Variants in KCTD20 observed in about 807,000 individuals in gnomAD.
The protein encoded by KCTD20 is potassium channel tetramerization domain containing 20, also known as BTB/POZ domain-containing protein KCTD20.
KCTD20 carries 30 observed loss-of-function variants against 39.6 expected under a neutral mutation model. The ratio of observed to expected loss-of-function variants is 0.76; its 90% CI spans 0.57 to 1.03. KCTD20 has a LOEUF of 1.03. Ranked by LOEUF, KCTD20 falls within the 50% of genes least tolerant of loss-of-function variation. The probability of loss-of-function intolerance (pLI) is 0.00; values close to 1 mark genes in which losing one functional copy is unlikely to be tolerated. For missense variants in KCTD20, 422 were observed against 522.0 expected (o/e 0.81, Z 1.87); for synonymous variants, 162 against 180.6 (o/e 0.90, Z 0.83).
At chr6:36,478,102 A>AAAAAAAAAAAG (rs1343001151) in intron 3 of KCTD20, among the ~76,000 whole-genome samples, 1 of 84,852 alleles carries the variant, frequency 1.2e-5, no homozygotes, top group African/African-American at 5.1e-5. Context: ...CTCAAAAAAA[A>AAAAAAAAAAAG]AAAGAAAAGA....
chr6:36,444,860 T>C (rs1315383356), intron 1 of KCTD20, among the ~76,000 whole-genome samples: 1 of 152,222 alleles, frequency 6.6e-6, no homozygotes, highest in East Asian at 1.9e-4. Flanking sequence ...ATTTGTTCCT[T>C]CCTGTTATGC....
Position 36,473,580 on chromosome 6 carries a change from A to G in KCTD20, c.161-1209A>G, listed in dbSNP as rs191594451. On this transcript the variant is annotated intron_variant, in intron 2 of 7. Coordinates refer to ENST00000373731, the MANE Select transcript of KCTD20 (RefSeq NM_173562.5). ...GAGATCAGGAGATAGAGACCATCCT[A>G]GCTAACACGATGAAACCTTGTCTCT... Among the ~76,000 whole-genome samples, 1,062 of 151,818 alleles carry G rather than the reference A, an allele frequency of 7.0e-3. 10 individuals carry two copies. Among genetic ancestry groups the G allele is most frequent in the Admixed American group, 8.5e-3 (130 of 15,258 alleles).
Position 36,487,527 on chromosome 6 carries a change from T to C in KCTD20, c.*352T>C. 1 of 201,002 alleles carries C rather than the reference T, an allele frequency of 5.0e-6. No homozygotes were observed. The highest frequency in any genetic ancestry group is 1.0e-5 in the Non-Finnish European group (1 of 99,766). 12.5% of individuals were successfully genotyped at this position (201,002 alleles called of 1,614,324 possible). On this transcript the variant is annotated 3_prime_UTR_variant, in exon 8 of 8. Coordinates refer to ENST00000373731, the MANE Select transcript of KCTD20 (RefSeq NM_173562.5). ...AGTCCTTATCCTTTATACTCTGTTC[T>C]TGGGTTTTGTTTTTGTCTTGTTTTA...
intron 1 of KCTD20, among the ~76,000 whole-genome samples, chr6:36,447,616 C>T (rs1315904467): frequency 2.0e-5 from 3 of 150,404 alleles, no homozygotes; most frequent in East Asian, 1.9e-4. Flanking sequence ...GGCAACAGAG[C>T]GAGACTCTGT....
intron 1 of KCTD20, among the ~76,000 whole-genome samples, chr6:36,453,701 C>T (rs949805987): frequency 1.3e-5 from 2 of 151,088 alleles, no homozygotes; most frequent in Non-Finnish European, 3.0e-5. Flanking sequence ...TTAGTAGAGA[C>T]GTTTCTTGAT....
chr6:36,477,895 G>C (rs1415155879), intron 3 of KCTD20, among the ~76,000 whole-genome samples: 1 of 150,818 alleles, frequency 6.6e-6, no homozygotes, highest in African/African-American at 2.4e-5. Context: ...CACGAGGTCA[G>C]GAGATCGAGA....
At chr6:36,457,055 C>T (rs923316654) in intron 1 of KCTD20, among the ~76,000 whole-genome samples, 1 of 152,144 alleles carries the variant, frequency 6.6e-6, no homozygotes, top group Non-Finnish European at 1.5e-5. Context: ...GCCTCGGCCT[C>T]CCAAAGTGCT....
intron 3 of KCTD20, among the ~76,000 whole-genome samples, chr6:36,476,631 C>T (rs369300103): frequency 1.3e-4 from 20 of 151,906 alleles, no homozygotes; most frequent in African/African-American, 4.3e-4. Flanking sequence ...GGTTTCACCA[C>T]GTTGGTCAGG....
At chr6:36,466,361 C>A (rs561164271) in intron 1 of KCTD20, among the ~76,000 whole-genome samples, 2 of 150,560 alleles carry the variant, frequency 1.3e-5, no homozygotes, top group South Asian at 4.2e-4. Context: ...CTGGGCCTGG[C>A]TGTGTTTTGC....
At position 36,487,726 on chromosome 6, in the gene KCTD20, A is replaced by G; in HGVS notation, c.*551A>G. On this transcript the variant is annotated 3_prime_UTR_variant, in exon 8 of 8. Coordinates refer to ENST00000373731, the MANE Select transcript of KCTD20 (RefSeq NM_173562.5). ...AACTAGGGTCTCATTCAGAATGTCC[A>G]AAAGGAAATTCTTAAGAGCTTAAAT... 1 of 152,736 alleles carries G rather than the reference A, an allele frequency of 6.5e-6. No homozygotes were observed. The highest frequency in any genetic ancestry group is 2.1e-4 in the South Asian group (1 of 4,834). The allele number at this position is 152,736 out of a possible 1,614,324, so 9.5% of individuals were successfully genotyped here. A position where few individuals can be genotyped will look rare whatever the true frequency, so the allele number is the denominator to read the frequency against.
intron 6 of KCTD20, among the ~76,000 whole-genome samples, 170 bp from the exon 7 acceptor site, chr6:36,484,544 A>G (rs1776359197): frequency 6.6e-6 from 1 of 152,208 alleles, no homozygotes; most frequent in Admixed American, 6.5e-5. Flanking sequence ...CCCTGAGACT[A>G]TAAAAATTTC....
rs1582383987 is a variant in KCTD20 at position 36,487,706 on chromosome 6, G to A, written c.*531G>A. ...CCCAAATTGCATCTGGAAAGAACTA[G>A]GGTCTCATTCAGAATGTCCAAAAGG... On this transcript the variant is annotated 3_prime_UTR_variant, in exon 8 of 8. Transcript: ENST00000373731. 6.5e-6 allele frequency: 1 copy of A among 152,984 alleles called. No individual in the cohort carries two copies. Among genetic ancestry groups the A allele is most frequent in the Non-Finnish European group, 1.5e-5 (1 of 68,400 alleles). The allele number at this position is 152,984 out of a possible 1,614,324, so 9.5% of individuals were successfully genotyped here.
intron 5 of KCTD20, 67 bp downstream of exon 5, chr6:36,479,778 G>A (rs1332891530): frequency 3.4e-5 from 13 of 385,726 alleles, no homozygotes; most frequent in Admixed American, 2.3e-4. Flanking sequence ...GGAAGTCACC[G>A]ATTTTTTTTT....
In KCTD20 at chr6:36,482,573, T is replaced by G. The variant is rs1262204838; in HGVS notation, c.856+814T>G. On this transcript the variant is annotated intron_variant, in intron 6 of 7. Coordinates refer to ENST00000373731, the MANE Select transcript of KCTD20 (RefSeq NM_173562.5). The stretch of plus-strand genomic sequence containing the variant: ...ATCTCAAAAAAACAAAAGAAAAATC[T>G]TCAACATTCTTTTTTGTGGCTCTAT... Among the ~76,000 whole-genome samples the G allele has an allele frequency of 2.0e-5, 3 of 151,798 alleles. No homozygotes were observed. In the East Asian group the frequency reaches 5.9e-4, roughly 30 times the overall value.
rs553882182 is a variant in KCTD20 at position 36,446,024 on chromosome 6, G to GTTTTTTTTTTTTTTTTTTTTTTTTTTT, written c.-47+2927_-47+2928insTTTTTTTTTTTTTTTTTTTTTTTTTTT. 4.7e-5 allele frequency among the ~76,000 whole-genome samples: 6 copies of GTTTTTTTTTTTTTTTTTTTTTTTTTTT among 126,536 alleles called. 2 individuals carry two copies. Among genetic ancestry groups the GTTTTTTTTTTTTTTTTTTTTTTTTTTT allele is most frequent in the Non-Finnish European group, 4.8e-5 (3 of 62,808 alleles). 83.0% of individuals were successfully genotyped at this position (126,536 alleles called of 152,430 possible). On this transcript the variant is annotated intron_variant, in intron 1 of 7. Coordinates refer to ENST00000373731, the MANE Select transcript of KCTD20 (RefSeq NM_173562.5). ...AAGCCCCAGAAATGTTATGAACTCAGTTTTTTTTTTTTTTCTTTTGAGACA... is the reference window on the plus strand; with the variant it reads ...AAGCCCCAGAAATGTTATGAACTCAGTTTTTTTTTTTTTTTTTTTTTTTTTTTTTTTTTTTTTTTTTCTTTTGAGACA...
At chr6:36,460,930 C>CT (rs1775584148) in intron 1 of KCTD20, among the ~76,000 whole-genome samples, 1 of 152,036 alleles carries the variant, frequency 6.6e-6, no homozygotes, top group African/African-American at 2.4e-5. Context: ...CTTTCCTTAA[C>CT]CTCCTTCTTC....
At chr6:36,455,239 C>G (rs530907012) in intron 1 of KCTD20, among the ~76,000 whole-genome samples, 2 of 151,980 alleles carry the variant, frequency 1.3e-5, no homozygotes, top group Non-Finnish European at 2.9e-5. Context: ...GAAACCCTGC[C>G]GCTACTAAAA....
chr6:36,485,015 A>G (rs1776373839), intron 7 of KCTD20, among the ~76,000 whole-genome samples, 191 bp downstream of exon 7: 2 of 152,158 alleles, frequency 1.3e-5, no homozygotes, highest in Admixed American at 1.3e-4. Context: ...AATGGTTCAA[A>G]GCAGCCACAG....
intron 3 of KCTD20, among the ~76,000 whole-genome samples, chr6:36,477,041 A>G (rs1776083553): frequency 1.3e-5 from 2 of 152,222 alleles, no homozygotes; most frequent in Admixed American, 6.5e-5. Flanking sequence ...TGTCCCATGA[A>G]GAGGAGAGTC....
Sources: allele counts gnomAD v4.1 joint callset (sites outside exome capture counted in the v4.1 genomes callset), GRCh38; gene constraint gnomAD v4.1.1; transcripts MANE v1.5; gene names NCBI Gene and HGNC (gene_info 2026-07-23, HGNC 2026-07-21).